RUNX1: variants seen among roughly 807,000 people sequenced by gnomAD.
RUNX1 encodes RUNX family transcription factor 1, also known as runt-related transcription factor 1.
Under a neutral mutation model 42.8 loss-of-function variants are expected in RUNX1, and 19 were observed. That is an observed-to-expected ratio of 0.44 (90% CI 0.31 to 0.65). RUNX1 has a LOEUF of 0.65. RUNX1 is among the 30% of genes least tolerant of loss of function. RUNX1 has a pLI of 0.07. For missense variants in RUNX1, 528 were observed against 672.0 expected (o/e 0.79, Z 2.37); for synonymous variants, 271 against 289.4 (o/e 0.94, Z 0.64).
chr21:34,912,338 A>G (rs774133383), intron 2 of RUNX1, among the ~76,000 whole-genome samples: 7 of 151,318 alleles, frequency 4.6e-5, no homozygotes, highest in Non-Finnish European at 8.8e-5. Flanking sequence ...AGCCTGGGAA[A>G]TCTCCATCAC....
intron 5 of RUNX1, among the ~76,000 whole-genome samples, chr21:34,862,179 C>T (rs2057586860): frequency 6.6e-6 from 1 of 151,982 alleles, no homozygotes; most frequent in Non-Finnish European, 1.5e-5. Flanking sequence ...TTTGGGGATG[C>T]AATACAAACG....
At chr21:34,979,464 G>A (rs1269535810) in intron 2 of RUNX1, among the ~76,000 whole-genome samples, 1 of 152,054 alleles carries the variant, frequency 6.6e-6, no homozygotes, top group African/African-American at 2.4e-5. Context: ...CTCTACAAGA[G>A]AACTACATAG....
intron 2 of RUNX1, among the ~76,000 whole-genome samples, chr21:35,024,037 A>G (rs2059218716): frequency 6.6e-6 from 1 of 151,970 alleles, no homozygotes. Flanking sequence ...ACAAATAAAT[A>G]TTTAGCCTGG....
chr21:35,014,548 G>A (rs981746459), intron 2 of RUNX1, among the ~76,000 whole-genome samples: 3 of 152,216 alleles, frequency 2.0e-5, no homozygotes, highest in Admixed American at 6.5e-5. Context: ...TTCCTGGGAA[G>A]GTCAAGCATG....
chr21:34,903,729 T>C (rs1019118560), intron 2 of RUNX1, among the ~76,000 whole-genome samples: 6 of 152,220 alleles, frequency 3.9e-5, no homozygotes, highest in African/African-American at 1.2e-4. Flanking sequence ...AATACTTTCA[T>C]ATTAATCCTG....
rs1337651131 is a variant in RUNX1, at chr21:34,980,006, A to G, written c.58+68836T>C. ...GCCGAAAGCGAGCTACTTGCTGTAAAATGGGATTAAACAACACGAATCCTG... is the reference window on the plus strand; with the variant it reads ...GCCGAAAGCGAGCTACTTGCTGTAAGATGGGATTAAACAACACGAATCCTG... On this transcript the variant is annotated intron_variant, in intron 2 of 8. Coordinates refer to ENST00000675419, the MANE Select transcript of RUNX1 (RefSeq NM_001754.5). Among the ~76,000 whole-genome samples, 4 of 152,232 alleles carry G rather than the reference A, an allele frequency of 2.6e-5. No homozygotes were observed. The South Asian group carries it at 8.3e-4, about 32-fold the overall frequency.
At chr21:34,878,959 G>A (rs951025760) in intron 5 of RUNX1, among the ~76,000 whole-genome samples, 3 of 152,188 alleles carry the variant, frequency 2.0e-5, no homozygotes, top group African/African-American at 7.2e-5. Context: ...ATAGTATGAT[G>A]ATAACACTTT....
chr21:34,865,715 CG>C (rs931093078), intron 5 of RUNX1, among the ~76,000 whole-genome samples: 1 of 152,160 alleles, frequency 6.6e-6, no homozygotes, highest in African/African-American at 2.4e-5. Context: ...AATAAAGCCA[CG>C]GCTGGAACCT....
chr21:34,906,858 C>T (rs1330129165), intron 2 of RUNX1, among the ~76,000 whole-genome samples: 1 of 152,132 alleles, frequency 6.6e-6, no homozygotes. Flanking sequence ...TATTTCAATG[C>T]CTTTCCAGAA....
intron 7 of RUNX1, among the ~76,000 whole-genome samples, chr21:34,832,177 T>C (rs2057072526): frequency 6.6e-6 from 1 of 152,222 alleles, no homozygotes; most frequent in Admixed American, 6.5e-5. Context: ...GTGTTAAACC[T>C]GATACTCTAC....
chr21:34,862,881 G>T lies in RUNX1; in HGVS notation c.509-3303C>A, dbSNP rs376266588. ...CCAGTGACAACTGCTCTACAGGCACGCGTGTGTTTTACCCTCTGGAACAGT... is the reference window on the plus strand; with the variant it reads ...CCAGTGACAACTGCTCTACAGGCACTCGTGTGTTTTACCCTCTGGAACAGT... On this transcript the variant is annotated intron_variant, in intron 5 of 8. Coordinates refer to ENST00000675419, the MANE Select transcript of RUNX1 (RefSeq NM_001754.5). Among the ~76,000 whole-genome samples the T allele has an allele frequency of 5.9e-5, 9 of 152,252 alleles. No homozygotes were observed. In the South Asian group the frequency reaches 8.3e-4, roughly 14 times the overall value.
At position 35,035,813 on chromosome 21, in the gene RUNX1, T is replaced by G. The variant is rs146563367; in HGVS notation, c.58+13029A>C. ...ACAGGTGGGGGCTGTCCAGGCTCACTGCAGGTCTCTCTCTGCTTTCTGCTC... is the reference window on the plus strand; with the variant it reads ...ACAGGTGGGGGCTGTCCAGGCTCACGGCAGGTCTCTCTCTGCTTTCTGCTC... On this transcript the variant is annotated intron_variant, in intron 2 of 8. Coordinates refer to ENST00000675419, the MANE Select transcript of RUNX1 (RefSeq NM_001754.5). Among the ~76,000 whole-genome samples, 110 of 152,364 alleles carry G rather than the reference T, an allele frequency of 7.2e-4. 1 individual carries two copies. Among genetic ancestry groups the G allele is most frequent in the Non-Finnish European group, 1.4e-3 (94 of 68,036 alleles).
intron 6 of RUNX1, among the ~76,000 whole-genome samples, chr21:34,839,245 GAC>G (rs955799862): frequency 1.3e-5 from 2 of 151,258 alleles, no homozygotes; most frequent in East Asian, 1.9e-4. Context: ...AACACCCACC[GAC>G]ACACACACTC....
intron 2 of RUNX1, among the ~76,000 whole-genome samples, chr21:34,917,374 G>C (rs2058319498): frequency 6.6e-6 from 1 of 152,244 alleles, no homozygotes; most frequent in African/African-American, 2.4e-5. Context: ...CAGATGTCCA[G>C]GTGTTTAGCC....
chr21:34,790,483 T>G lies in RUNX1; in HGVS notation c.*1652A>C, dbSNP rs1444985117. Reference sequence around the variant, plus strand: ...AAAATCAGCAGTTAGTATTTATGAGTTGTACAACAACTGCATTCTGACCAA... The same window carrying G: ...AAAATCAGCAGTTAGTATTTATGAGGTGTACAACAACTGCATTCTGACCAA... On this transcript the variant is annotated 3_prime_UTR_variant, in exon 9 of 9. Coordinates refer to ENST00000675419, the MANE Select transcript of RUNX1 (RefSeq NM_001754.5). The G allele has an allele frequency of 4.3e-6, 1 of 233,566 alleles. No individual in the cohort carries two copies. Among genetic ancestry groups the G allele is most frequent in the Non-Finnish European group, 8.5e-6 (1 of 118,052 alleles). The allele number at this position is 233,566 out of a possible 1,614,324, so 14.5% of individuals were successfully genotyped here. A position where few individuals can be genotyped will look rare whatever the true frequency, so the allele number is the denominator to read the frequency against.
Position 34,966,521 on chromosome 21 carries a change from G to A in RUNX1, c.59-73558C>T, listed in dbSNP as rs1317534771. ...ACTGCCCTGCTGTCCAGAGGAAGGC[G>A]TGAGGTAGCCCCCAACCCACACCCC... On this transcript the variant is annotated intron_variant, in intron 2 of 8. Transcript: ENST00000675419. 3.9e-5 allele frequency among the ~76,000 whole-genome samples: 6 copies of A among 152,110 alleles called. No homozygotes were observed. The South Asian group carries it at 6.2e-4, about 16-fold the overall frequency.
intron 2 of RUNX1, among the ~76,000 whole-genome samples, chr21:34,899,360 C>G (rs2058158636): frequency 6.6e-6 from 1 of 152,140 alleles, no homozygotes; most frequent in Non-Finnish European, 1.5e-5. Context: ...CTGGGGTCCT[C>G]ATGATGGGAT....
At chr21:35,038,745 G>A (rs1178975883) in intron 2 of RUNX1, 1 of 455,952 alleles carries the variant, frequency 2.2e-6, no homozygotes, top group Admixed American at 2.3e-5. Context: ...TCCCTAATGG[G>A]AATTATAGTT....
At chr21:34,819,297 G>A (rs751085704) in intron 7 of RUNX1, among the ~76,000 whole-genome samples, 4 of 152,190 alleles carry the variant, frequency 2.6e-5, no homozygotes, top group Non-Finnish European at 4.4e-5. Flanking sequence ...CCCAGAGCTC[G>A]AGCCCCCGGG....
Sources: allele counts gnomAD v4.1 joint callset (sites outside exome capture counted in the v4.1 genomes callset), GRCh38; gene constraint gnomAD v4.1.1; transcripts MANE v1.5; gene names NCBI Gene and HGNC (gene_info 2026-07-23, HGNC 2026-07-21).